DNASE1: variants seen among roughly 807,000 people sequenced by gnomAD.
The protein encoded by DNASE1 is deoxyribonuclease-1.
In DNASE1, 40 loss-of-function variants were observed where a neutral mutation model predicts 33.9. The ratio of observed to expected loss-of-function variants is 1.18; its 90% CI spans 0.92 to 1.54. The LOEUF (loss-of-function observed/expected upper bound fraction) is 1.54, where lower values mean the gene tolerates loss of function less well. DNASE1 is among the 40% of genes most tolerant of loss of function. The pLI is 0.00. For missense variants in DNASE1, 518 were observed against 372.6 expected (o/e 1.39, Z -3.21); for synonymous variants, 216 against 160.0 (o/e 1.35, Z -2.64).
chr16:3,614,736 T>C (rs900075573), intron 1 of DNASE1, among the ~76,000 whole-genome samples: 1 of 152,174 alleles, frequency 6.6e-6, no homozygotes, highest in Non-Finnish European at 1.5e-5. Context: ...AGAGGCAGTC[T>C]CCCTGCCAGC....
intron 7 of DNASE1, among the ~76,000 whole-genome samples, 182 bp from the exon 8 acceptor site, chr16:3,657,538 G>A (rs1043534648): frequency 1.3e-5 from 2 of 152,312 alleles, no homozygotes; most frequent in East Asian, 3.9e-4. Context: ...GATAAGAGGA[G>A]AGGCAGACAC....
chr16:3,658,669 C>G (rs1426801400), downstream of DNASE1: 4 of 879,744 alleles, frequency 4.5e-6, no homozygotes, highest in Non-Finnish European at 1.7e-6. Flanking sequence ...AACACTCCAT[C>G]TCAAAAAACA....
downstream of DNASE1, chr16:3,658,296 A>G: frequency 1.6e-6 from 2 of 1,224,258 alleles, no homozygotes. Flanking sequence ...TTTTTTTTTG[A>G]GACAGAGTCT....
downstream of DNASE1, chr16:3,661,591 A>G (rs2043077933): frequency 5.5e-6 from 1 of 181,670 alleles, no homozygotes; most frequent in Non-Finnish European, 1.1e-5. Context: ...GGCTATGAAA[A>G]TGAACTTGTG....
At chr16:3,648,484 C>T (rs2042237390) in intron 1 of DNASE1, among the ~76,000 whole-genome samples, 1 of 152,120 alleles carries the variant, frequency 6.6e-6, no homozygotes, top group Non-Finnish European at 1.5e-5. Flanking sequence ...ATGGCATGAA[C>T]CCCAGAGGTG....
At chr16:3,619,984 C>T (rs1482428160) in intron 1 of DNASE1, among the ~76,000 whole-genome samples, 16 of 147,952 alleles carry the variant, frequency 1.1e-4, no homozygotes, top group Admixed American at 3.4e-4. Context: ...GGCATAATCT[C>T]GCCTCACTGC....
At chr16:3,661,950 A>G (rs570871118), downstream of DNASE1, 2 of 1,558,582 alleles carry the variant, frequency 1.3e-6, no homozygotes, top group East Asian at 2.3e-5. Flanking sequence ...ATTCTGGGGA[A>G]TCCCACAGGC....
chr16:3,663,038 G>A, downstream of DNASE1: 1 of 1,263,344 alleles, frequency 7.9e-7, no homozygotes, highest in Non-Finnish European at 1.1e-6. Flanking sequence ...GGGCCACGCA[G>A]CATGCTTCCA....
intron 1 of DNASE1, among the ~76,000 whole-genome samples, chr16:3,622,482 C>G (rs999247382): frequency 2.6e-5 from 4 of 152,094 alleles, no homozygotes; most frequent in African/African-American, 9.6e-5. Context: ...TGTGATTAAT[C>G]TTTTTCCTAT....
At chr16:3,658,770 T>A, downstream of DNASE1, 1 of 1,608,930 alleles carries the variant, frequency 6.2e-7, no homozygotes, top group Non-Finnish European at 8.5e-7. Context: ...GTCCCTGCAG[T>A]CATCCTAAGC....
chr16:3,654,220 C>G, upstream of DNASE1: 1 of 397,528 alleles, frequency 2.5e-6, no homozygotes, highest in Non-Finnish European at 4.4e-6. Context: ...TCCCCTGGGC[C>G]TAAACACACA....
intron 1 of DNASE1, among the ~76,000 whole-genome samples, chr16:3,648,781 C>T (rs181647436): frequency 6.6e-6 from 1 of 152,312 alleles, no homozygotes; most frequent in African/African-American, 2.4e-5. Context: ...TAATTTGTTA[C>T]ACAAATGTCT....
At chr16:3,664,787 C>T (rs1239314562) in exon 10 of DNASE1, 2 of 280,546 alleles carry the variant, frequency 7.1e-6, no homozygotes, top group Non-Finnish European at 1.3e-5. Context: ...CCTCTGCCCT[C>T]AGTGACAGAG....
rs1488470673 is a variant in DNASE1, at chr16:3,663,891, C to T, written c.*5938C>T. The T allele has an allele frequency of 1.1e-5, 4 of 359,890 alleles. No individual in the cohort carries two copies. The Admixed American group carries it at 1.3e-4, about 11-fold the overall frequency. 22.3% of individuals were successfully genotyped at this position (359,890 alleles called of 1,614,324 possible). On this transcript the variant is annotated 3_prime_UTR_variant, in exon 10 of 10. Coordinates refer to the DNASE1 transcript ENST00000407479. ...GTTCGAGACCAACATGGTGAAATGC[C>T]GTCTCTATTAAAAATACAAAAATTT...
chr16:3,623,685 G>A (rs1036261269), intron 1 of DNASE1, among the ~76,000 whole-genome samples: 1 of 152,138 alleles, frequency 6.6e-6, no homozygotes, highest in Non-Finnish European at 1.5e-5. Flanking sequence ...TGTAATCCCA[G>A]GACTTTGGGA....
intron 5 of DNASE1, 110 bp downstream of exon 5, chr16:3,656,863 GC>G: frequency 6.5e-7 from 1 of 1,543,234 alleles, no homozygotes; most frequent in Non-Finnish European, 8.7e-7. Context: ...AGTCCCTGGG[GC>G]TTGGGTTTTC....
At chr16:3,637,138 AGAAAAG>A (rs1374631229) in intron 1 of DNASE1, among the ~76,000 whole-genome samples, 1 of 152,056 alleles carries the variant, frequency 6.6e-6, no homozygotes, top group East Asian at 1.9e-4. Flanking sequence ...AAAAAAGAAA[AGAAAAG>A]GAAGTAACTG....
rs564744420 is a variant in DNASE1, at chr16:3,636,830, G to GA, written c.-1358-3876dup. 9.8e-3 allele frequency among the ~76,000 whole-genome samples: 1,434 copies of GA among 146,642 alleles called. 17 individuals carry two copies. The highest frequency in any genetic ancestry group is 0.017 in the South Asian group (77 of 4,622). ...GTGAGACTCTGTCTGGGGAAAAAAA[G>GA]AAAAAAAAACAGGCCAGGCACAGTG... On this transcript the variant is annotated intron_variant and NMD_transcript_variant, in intron 1 of 11. Transcript: ENST00000570769.
rs148583060 is a variant in DNASE1, at chr16:3,636,893, G to T, written c.-1358-3822G>T. Among the ~76,000 whole-genome samples, 365 of 152,174 alleles carry T rather than the reference G, an allele frequency of 2.4e-3. 2 individuals carry two copies. Among genetic ancestry groups the T allele is most frequent in the African/African-American group, 8.5e-3 (354 of 41,522 alleles). The stretch of plus-strand genomic sequence containing the variant: ...AATCCCAGCACTTCGGGAGGCCAAC[G>T]CAGGCTGATCACTTGAGGTCAGGAG... On this transcript the variant is annotated intron_variant and NMD_transcript_variant, in intron 1 of 11. Coordinates refer to the DNASE1 transcript ENST00000570769.
Sources: gnomAD v4.1 joint callset for allele counts (sites outside exome capture counted in the v4.1 genomes callset) on GRCh38, gnomAD v4.1.1 for gene constraint, MANE v1.5 for transcripts, NCBI Gene and HGNC (gene_info 2026-07-23, HGNC 2026-07-21) for gene names.